DNAH14: variants seen among roughly 807,000 people sequenced by gnomAD.
DNAH14 encodes the protein axonemal beta dynein heavy chain 14.
Under a neutral mutation model 520.9 loss-of-function variants are expected in DNAH14, and 478 were observed. That is an observed-to-expected ratio of 0.92 (90% confidence interval 0.85 to 0.99). DNAH14 has a LOEUF of 0.99. Ranked by LOEUF, DNAH14 falls within the 50% of genes least tolerant of loss-of-function variation. The pLI is 0.00. For missense variants in DNAH14, 4,831 were observed against 5,234.5 expected (o/e 0.92, Z 2.38); for synonymous variants, 1,581 against 1,757.2 (o/e 0.90, Z 2.51).
At chr1:224,936,239 T>G (rs1319905659) in intron 1 of DNAH14, among the ~76,000 whole-genome samples, 1 of 151,160 alleles carries the variant, frequency 6.6e-6, no homozygotes. Context: ...AAATAGTGAC[T>G]AAAAAACATA....
chr1:225,347,965 G>T (rs1272040133), intron 71 of DNAH14, among the ~76,000 whole-genome samples: 1 of 151,790 alleles, frequency 6.6e-6, no homozygotes, highest in East Asian at 1.9e-4. Context: ...AAATAACAGA[G>T]AACTAAATAA....
intron 78 of DNAH14, among the ~76,000 whole-genome samples, chr1:225,376,465 A>G (rs2095703004): frequency 6.6e-6 from 1 of 152,228 alleles, no homozygotes; most frequent in African/African-American, 2.4e-5. Flanking sequence ...TAAATTGCCC[A>G]AAGAATACAA....
At chr1:225,395,797 G>GA (rs938272941) in intron 84 of DNAH14, 1 of 152,324 alleles carries the variant, frequency 6.6e-6, no homozygotes, top group African/African-American at 2.4e-5. Context: ...CTGGGATTTG[G>GA]AGTGGGAGGA....
At chr1:225,171,674 C>T (rs143740658) in intron 36 of DNAH14, among the ~76,000 whole-genome samples, 282 of 152,278 alleles carry the variant, frequency 1.9e-3, no homozygotes, top group Middle Eastern at 3.4e-3. Flanking sequence ...GATTCACAGC[C>T]GACTTCTGTC....
chr1:225,298,757 G>A (rs2094071643), intron 55 of DNAH14, among the ~76,000 whole-genome samples: 1 of 152,180 alleles, frequency 6.6e-6, no homozygotes, highest in African/African-American at 2.4e-5. Context: ...CCAATCCAGA[G>A]CAATGCAGCT....
chr1:225,236,394 T>C (rs2091579235), intron 42 of DNAH14, among the ~76,000 whole-genome samples: 1 of 152,196 alleles, frequency 6.6e-6, no homozygotes, highest in Admixed American at 6.5e-5. Context: ...TGAGAGACTG[T>C]TATGATTTCA....
chr1:225,070,148 A>G (rs189655199), intron 17 of DNAH14, among the ~76,000 whole-genome samples: 1 of 152,096 alleles, frequency 6.6e-6, no homozygotes, highest in Non-Finnish European at 1.5e-5. Flanking sequence ...ATTTTTTTCA[A>G]AAAACCCAGC....
chr1:225,335,635 G>C lies in DNAH14; in HGVS notation c.10081-1631G>C, dbSNP rs1281306353. Among the ~76,000 whole-genome samples, 99 of 128,860 alleles carry C rather than the reference G, an allele frequency of 7.7e-4. 9 individuals carry two copies. The highest frequency in any genetic ancestry group is 1.3e-3 in the Non-Finnish European group (78 of 61,752). The allele number at this position is 128,860 out of a possible 152,430, so 84.5% of individuals were successfully genotyped here. On this transcript the variant is annotated intron_variant, in intron 66 of 85. Transcript: ENST00000682510. ...TGTGTATATACGCATATATACATAT[G>C]TGCATATATGTATATACGCATATAT...
At chr1:225,208,468 A>G (rs2087892295) in intron 41 of DNAH14, among the ~76,000 whole-genome samples, 1 of 152,184 alleles carries the variant, frequency 6.6e-6, no homozygotes, top group South Asian at 2.1e-4. Context: ...GTTAAATATT[A>G]TGTATTTTAA....
chr1:225,133,890 T>C (rs569219207), intron 27 of DNAH14, among the ~76,000 whole-genome samples: 2 of 152,342 alleles, frequency 1.3e-5, no homozygotes, highest in African/African-American at 4.8e-5. Context: ...TTGTATCCTC[T>C]CTGATTTCCC....
At chr1:224,991,085 T>A (rs9426165) in intron 8 of DNAH14, among the ~76,000 whole-genome samples, 2,165 of 73,732 alleles carry the variant, frequency 0.029, 44 homozygotes, top group East Asian at 0.098. Context: ...GATGTTGAGC[T>A]TTTTTTTTTT....
intron 11 of DNAH14, among the ~76,000 whole-genome samples, chr1:225,026,551 G>C (rs146265275): frequency 6.6e-6 from 1 of 152,062 alleles, no homozygotes; most frequent in Non-Finnish European, 1.5e-5. Context: ...TGGCACCCTC[G>C]TTGACAATCA....
intron 43 of DNAH14, among the ~76,000 whole-genome samples, chr1:225,247,538 A>G (rs1424202920): frequency 6.6e-6 from 1 of 152,226 alleles, no homozygotes; most frequent in Admixed American, 6.5e-5. Context: ...AAGAGATTTC[A>G]GAAGAATCTC....
At chr1:225,025,455 G>T (rs2066029817) in intron 11 of DNAH14, among the ~76,000 whole-genome samples, 1 of 151,138 alleles carries the variant, frequency 6.6e-6, no homozygotes, top group Non-Finnish European at 1.5e-5. Flanking sequence ...AATTTGGCTG[G>T]GCATGGTGGT....
chr1:225,345,261 A>G (rs749113550), intron 69 of DNAH14, among the ~76,000 whole-genome samples: 5 of 152,184 alleles, frequency 3.3e-5, no homozygotes, highest in Admixed American at 2.0e-4. Flanking sequence ...CCACATTTTT[A>G]AAAGGCTTGT....
intron 27 of DNAH14, among the ~76,000 whole-genome samples, chr1:225,139,766 C>T (rs2079265050): frequency 6.6e-6 from 1 of 152,200 alleles, no homozygotes; most frequent in Non-Finnish European, 1.5e-5. Context: ...CCTGAGGCTG[C>T]AAATCTTGAA....
chr1:225,093,034 G>T (rs575107814), intron 21 of DNAH14, among the ~76,000 whole-genome samples: 44 of 151,882 alleles, frequency 2.9e-4, no homozygotes, highest in African/African-American at 1.1e-3. Flanking sequence ...GTAATAAAAA[G>T]CTCAAGAATA....
intron 50 of DNAH14, 77 bp downstream of exon 50, chr1:225,270,943 C>T: frequency 7.2e-7 from 1 of 1,383,332 alleles, no homozygotes; most frequent in Non-Finnish European, 9.8e-7. Flanking sequence ...CTTAAATCCA[C>T]TAATATTGAA....
In DNAH14 at chr1:225,043,770, A is replaced by C. The variant is rs560510480; in HGVS notation, c.1795A>C (p.Asn599His). The C allele has an allele frequency of 6.8e-7, 1 of 1,468,284 alleles. No homozygotes were observed. The highest frequency in any genetic ancestry group is 2.5e-5 in the East Asian group (1 of 40,264). 91.0% of individuals were successfully genotyped at this position (1,468,284 alleles called of 1,614,324 possible). A position where few individuals can be genotyped will look rare whatever the true frequency, so the allele number is the denominator to read the frequency against. ...SDTEIETEFE[N>H]KYMYYEFPEF... ...CACAGAAATTGAGACTGAGTTTGAG[A>C]ATAAATACATGTATTATGAGTAAGT... The change falls in exon 14 of 86, where the codon AAT becomes CAT. Residue 599 changes from asparagine to histidine, a missense_variant. By Grantham distance (68) the Asn-to-His change is moderately conservative. Coordinates refer to ENST00000682510, the MANE Select transcript of DNAH14 (RefSeq NM_001367479.1).
Sources: gnomAD v4.1 joint callset for allele counts (sites outside exome capture counted in the v4.1 genomes callset) on GRCh38, gnomAD v4.1.1 for gene constraint, MANE v1.5 for transcripts, NCBI Gene and HGNC (gene_info 2026-07-23, HGNC 2026-07-21) for gene names.